The following KLHL32 variants were observed in gnomAD, a reference collection of about 807,000 sequenced individuals.
The protein encoded by KLHL32 is kelch-like protein 32.
A neutral mutation model predicts 64.8 loss-of-function variants in KLHL32; 35 were observed. The observed-to-expected ratio is 0.54, with a 90% CI of 0.41 to 0.72. KLHL32 has a LOEUF of 0.72. Among genes scored for constraint, KLHL32 ranks in the 30% least tolerant of loss-of-function variants. KLHL32 has a pLI of 0.00. For missense variants in KLHL32, 589 were observed against 768.5 expected, an observed-to-expected ratio of 0.77 and a Z score of 2.76; for synonymous variants, 259 against 281.0, an observed-to-expected ratio of 0.92 and a Z score of 0.78.
intron 6 of KLHL32, among the ~76,000 whole-genome samples, chr6:97,102,484 A>G (rs1468378585): frequency 2.6e-5 from 4 of 151,894 alleles, no homozygotes; most frequent in Non-Finnish European, 4.4e-5. Flanking sequence ...AGTTCCTTCA[A>G]CATCTAGTAG....
chr6:97,056,194 T>C (rs12214993), intron 4 of KLHL32, among the ~76,000 whole-genome samples: 35,099 of 148,610 alleles, frequency 0.24, 5,087 homozygotes, highest in African/African-American at 0.4. Context: ...GAAGCTCCGC[T>C]TCCCGGGTTC....
intron 1 of KLHL32, among the ~76,000 whole-genome samples, chr6:96,931,642 C>G (rs769314000): frequency 4.6e-5 from 7 of 152,100 alleles, no homozygotes; most frequent in Non-Finnish European, 7.4e-5. Context: ...TAGTTGGTAA[C>G]ATTACTTGAG....
chr6:97,015,421 C>T (rs1781023328), intron 3 of KLHL32, among the ~76,000 whole-genome samples: 1 of 152,160 alleles, frequency 6.6e-6, no homozygotes, highest in Admixed American at 6.5e-5. Flanking sequence ...ATGATGTAGA[C>T]AGTGAAGTCC....
At chr6:97,053,298 T>A (rs865896817) in intron 4 of KLHL32, among the ~76,000 whole-genome samples, 1 of 152,166 alleles carries the variant, frequency 6.6e-6, no homozygotes, top group Non-Finnish European at 1.5e-5. Flanking sequence ...CCCAGAGGGA[T>A]CTTAATGTTA....
At chr6:96,939,897 A>T (rs900019672) in intron 1 of KLHL32, among the ~76,000 whole-genome samples, 4 of 152,076 alleles carry the variant, frequency 2.6e-5, no homozygotes, top group Non-Finnish European at 5.9e-5. Flanking sequence ...TCATAGAAGT[A>T]GCTTAGCCTA....
intron 3 of KLHL32, among the ~76,000 whole-genome samples, chr6:96,979,127 A>G (rs1333988336): frequency 6.6e-6 from 1 of 152,160 alleles, no homozygotes; most frequent in African/African-American, 2.4e-5. Context: ...GTTGCTGTCC[A>G]TAAGCTCTTT....
At chr6:97,053,265 C>T (rs1787243908) in intron 4 of KLHL32, among the ~76,000 whole-genome samples, 1 of 152,040 alleles carries the variant, frequency 6.6e-6, no homozygotes, top group Non-Finnish European at 1.5e-5. Flanking sequence ...GATTTGAGAC[C>T]TCTTTCTGAA....
chr6:97,037,326 G>C (rs955237280), intron 3 of KLHL32, among the ~76,000 whole-genome samples: 1 of 151,860 alleles, frequency 6.6e-6, no homozygotes, highest in Non-Finnish European at 1.5e-5. Context: ...TCTCTACAAG[G>C]AATAATGGGT....
At chr6:97,022,480 T>A (rs1782132481) in intron 3 of KLHL32, among the ~76,000 whole-genome samples, 1 of 149,998 alleles carries the variant, frequency 6.7e-6, no homozygotes, top group Non-Finnish European at 1.5e-5. Context: ...ATTTTTTTTT[T>A]TTTTTTGAGA....
chr6:97,035,317 A>G (rs1370538514), intron 3 of KLHL32, among the ~76,000 whole-genome samples: 1 of 152,114 alleles, frequency 6.6e-6, no homozygotes, highest in African/African-American at 2.4e-5. Context: ...GTATCCATCA[A>G]CAAATTTTGG....
chr6:97,019,890 C>G (rs1562249673), intron 3 of KLHL32, among the ~76,000 whole-genome samples: 1 of 152,134 alleles, frequency 6.6e-6, no homozygotes, highest in South Asian at 2.1e-4. Flanking sequence ...AGCCATTCTC[C>G]TACCTCAGCC....
chr6:97,068,997 G>A (rs1416559512), intron 5 of KLHL32, among the ~76,000 whole-genome samples: 1 of 152,194 alleles, frequency 6.6e-6, no homozygotes, highest in Non-Finnish European at 1.5e-5. Context: ...GCGATAGGTA[G>A]AGCATTTTAT....
intron 1 of KLHL32, among the ~76,000 whole-genome samples, chr6:96,962,719 G>A (rs1019233710): frequency 8.5e-5 from 13 of 152,198 alleles, no homozygotes; most frequent in Admixed American, 2.6e-4. Flanking sequence ...CTTTGCACTA[G>A]GTACACTACA....
chr6:97,035,311 C>G (rs940512468), intron 3 of KLHL32, among the ~76,000 whole-genome samples: 1 of 152,006 alleles, frequency 6.6e-6, no homozygotes, highest in Non-Finnish European at 1.5e-5. Flanking sequence ...TATTGTGTAT[C>G]CATCAACAAA....
chr6:97,109,273 G>A (rs890122914), intron 6 of KLHL32, among the ~76,000 whole-genome samples: 1 of 152,200 alleles, frequency 6.6e-6, no homozygotes, highest in African/African-American at 2.4e-5. Context: ...AAGTAGGGAT[G>A]ACTTGTATAG....
chr6:97,076,465 G>T (rs1791602660), intron 5 of KLHL32, among the ~76,000 whole-genome samples: 1 of 152,142 alleles, frequency 6.6e-6, no homozygotes. Flanking sequence ...TTTTAGATGA[G>T]AAAATTAGAC....
upstream of KLHL32, among the ~76,000 whole-genome samples, chr6:96,921,366 C>T (rs984492680): frequency 1.7e-4 from 26 of 152,204 alleles, no homozygotes; most frequent in Non-Finnish European, 2.4e-4. Context: ...TCCTGTGGCA[C>T]TAGTTTTGAG....
At chr6:97,058,759 T>C (rs1293495306) in intron 4 of KLHL32, among the ~76,000 whole-genome samples, 1 of 152,248 alleles carries the variant, frequency 6.6e-6, no homozygotes, top group African/African-American at 2.4e-5. Flanking sequence ...CCTGGTGGTA[T>C]GGCAGCCAAT....
At chr6:96,976,427 A>G (rs1400637300) in intron 3 of KLHL32, among the ~76,000 whole-genome samples, 2 of 152,134 alleles carry the variant, frequency 1.3e-5, no homozygotes, top group Non-Finnish European at 2.9e-5. Context: ...TTGGCACTTT[A>G]CCACCATGGG....
Sources: gnomAD v4.1 joint callset for allele counts (sites outside exome capture counted in the v4.1 genomes callset) on GRCh38, gnomAD v4.1.1 for gene constraint, MANE v1.5 for transcripts, NCBI Gene and HGNC (gene_info 2026-07-23, HGNC 2026-07-21) for gene names.